Variants in SCHIP1 observed in about 807,000 individuals in gnomAD.
SCHIP1 encodes schwannomin interacting protein 1, also known as schwannomin-interacting protein 1.
Under a neutral mutation model 29.7 loss-of-function variants are expected in SCHIP1, and 8 were observed. The observed-to-expected ratio is 0.27, with a 90% confidence interval of 0.16 to 0.49. The LOEUF (loss-of-function observed/expected upper bound fraction) is 0.49. SCHIP1 is among the 20% of genes least tolerant of loss of function. The pLI is 0.99. For missense variants in SCHIP1, 193 were observed against 294.6 expected (o/e 0.66, Z 2.52); for synonymous variants, 76 against 94.9 (o/e 0.80, Z 1.16).
intron 2 of SCHIP1, among the ~76,000 whole-genome samples, chr3:159,874,114 C>T (rs1715540130): frequency 1.3e-5 from 2 of 152,122 alleles, no homozygotes; most frequent in South Asian, 4.1e-4. Flanking sequence ...TTTTCTCTGC[C>T]TTCTCCTTTT....
At chr3:159,639,041 T>C in the SCHIP1 span, among the ~76,000 whole-genome samples, 9 of 152,162 alleles carry the variant, frequency 5.9e-5, no homozygotes, top group Admixed American at 5.2e-4. Context: ...TCTTTTGTAA[T>C]TCTCAACTGC....
chr3:159,383,883 G>A, the SCHIP1 span, among the ~76,000 whole-genome samples: 9 of 151,512 alleles, frequency 5.9e-5, no homozygotes, highest in Non-Finnish European at 2.9e-5. Context: ...GTGAATGGGA[G>A]TTCACTCATG....
intron 1 of SCHIP1, among the ~76,000 whole-genome samples, chr3:159,850,542 C>CAAAAAAAAAAAAAAAAAAAAAA (rs61224003): frequency 9.5e-6 from 1 of 104,938 alleles, no homozygotes; most frequent in Non-Finnish European, 2.0e-5. Flanking sequence ...GATTCCATCT[C>CAAAAAAAAAAAAAAAAAAAAAA]AAAAAAAAAA....
At chr3:159,546,705 G>C in the SCHIP1 span, among the ~76,000 whole-genome samples, 1 of 152,116 alleles carries the variant, frequency 6.6e-6, no homozygotes, top group Non-Finnish European at 1.5e-5. Flanking sequence ...AATTTGCTGA[G>C]AGTGATGGTT....
chr3:159,352,555 C>T, the SCHIP1 span, among the ~76,000 whole-genome samples: 2 of 152,076 alleles, frequency 1.3e-5, no homozygotes, highest in East Asian at 1.9e-4. Context: ...ACCAATTTTC[C>T]AAACTCTGTG....
the SCHIP1 span, among the ~76,000 whole-genome samples, chr3:159,551,146 G>T: frequency 6.6e-6 from 1 of 152,024 alleles, no homozygotes; most frequent in Admixed American, 6.6e-5. Flanking sequence ...AGGTTCTAAA[G>T]CTTTGATCTA....
chr3:159,278,299 A>G, the SCHIP1 span, among the ~76,000 whole-genome samples: 1 of 152,214 alleles, frequency 6.6e-6, no homozygotes, highest in Admixed American at 6.5e-5. Context: ...AACCCCAGGT[A>G]GGTTTTATTT....
the SCHIP1 span, among the ~76,000 whole-genome samples, chr3:159,756,195 G>A: frequency 1.3e-5 from 2 of 152,200 alleles, no homozygotes; most frequent in African/African-American, 4.8e-5. Flanking sequence ...GATTCTCCAT[G>A]AGGGCCCCAC....
chr3:159,340,139 G>A, the SCHIP1 span, among the ~76,000 whole-genome samples: 3 of 151,894 alleles, frequency 2.0e-5, no homozygotes, highest in African/African-American at 7.3e-5. Context: ...TAACTAGGAA[G>A]GATTTTAGAG....
chr3:159,320,445 A>G, the SCHIP1 span, among the ~76,000 whole-genome samples: 1 of 152,090 alleles, frequency 6.6e-6, no homozygotes, highest in African/African-American at 2.4e-5. Flanking sequence ...TTTATAAGCC[A>G]CCTGGTCTAT....
chr3:159,603,763 TAAAGA>T, the SCHIP1 span, among the ~76,000 whole-genome samples: 39 of 152,280 alleles, frequency 2.6e-4, no homozygotes, highest in African/African-American at 8.7e-4. Context: ...GGGTAATTTA[TAAAGA>T]AAAGAAATTT....
the SCHIP1 span, chr3:159,764,591 T>C: frequency 6.2e-7 from 1 of 1,608,862 alleles, no homozygotes; most frequent in Non-Finnish European, 8.5e-7. This position sits in a 1 kb window ranked among gnomAD's most constrained non-coding sequence, Gnocchi z 6.1. Context: ...CTGGACTTGG[T>C]GTCTGCCCTG....
the SCHIP1 span, among the ~76,000 whole-genome samples, chr3:159,788,348 A>C: frequency 6.6e-6 from 1 of 152,256 alleles, no homozygotes; most frequent in South Asian, 2.1e-4. Flanking sequence ...GGCGTTACAG[A>C]AGTGCCAAAT....
the SCHIP1 span, among the ~76,000 whole-genome samples, chr3:159,443,660 C>G: frequency 1.3e-5 from 2 of 152,250 alleles, no homozygotes; most frequent in East Asian, 3.9e-4. Flanking sequence ...AGGCACACAC[C>G]ACCATGCCCA....
At chr3:159,604,263 C>G in the SCHIP1 span, among the ~76,000 whole-genome samples, 1 of 152,184 alleles carries the variant, frequency 6.6e-6, no homozygotes, top group Non-Finnish European at 1.5e-5. Context: ...TCCCCAATTT[C>G]CTAATGAAGT....
the SCHIP1 span, among the ~76,000 whole-genome samples, chr3:159,308,713 G>A: frequency 1.3e-5 from 2 of 152,278 alleles, no homozygotes; most frequent in Admixed American, 6.5e-5. Context: ...ATATGCACTT[G>A]TATGTTTATT....
At chr3:159,341,521 G>T in the SCHIP1 span, among the ~76,000 whole-genome samples, 1,695 of 152,136 alleles carry the variant, frequency 0.011, 19 homozygotes, top group South Asian at 0.033. Context: ...ATTCCTGAGG[G>T]TACCATCCAT....
chr3:159,580,312 T>C, the SCHIP1 span, among the ~76,000 whole-genome samples: 9 of 152,168 alleles, frequency 5.9e-5, no homozygotes, highest in Non-Finnish European at 1.5e-5. Context: ...GGTTATTAAT[T>C]AAGCATGTCT....
At chr3:159,688,526 A>C in the SCHIP1 span, among the ~76,000 whole-genome samples, 1 of 152,120 alleles carries the variant, frequency 6.6e-6, no homozygotes, top group Non-Finnish European at 1.5e-5. Context: ...GATTGCAAAA[A>C]TTGTCTCCCA....
Sources: allele counts gnomAD v4.1 joint callset (sites outside exome capture counted in the v4.1 genomes callset), GRCh38; gene constraint gnomAD v4.1.1; non-coding constraint Gnocchi (gnomAD v3.1); transcripts MANE v1.5; gene names NCBI Gene and HGNC (gene_info 2026-07-23, HGNC 2026-07-21).